MTSS1: variants seen among roughly 807,000 people sequenced by gnomAD.
The protein encoded by MTSS1 is MTSS I-BAR domain containing 1, also known as protein MTSS 1.
A neutral mutation model predicts 79.0 loss-of-function variants in MTSS1; 18 were observed. The observed-to-expected ratio is 0.23, with a 90% CI of 0.16 to 0.34. MTSS1 has a LOEUF of 0.34. MTSS1 is among the 10% of genes least tolerant of loss of function. The pLI is 1.00. For synonymous variants in MTSS1, 341 were observed against 368.6 expected, an observed-to-expected ratio of 0.93 and a Z score of 0.86; for missense variants, 815 against 986.2, an observed-to-expected ratio of 0.83 and a Z score of 2.33.
intron 10 of MTSS1, 122 bp from the exon 11 acceptor site, chr8:124,557,997 C>T (rs150620957): frequency 1.6e-3 from 1,199 of 768,074 alleles, no homozygotes; most frequent in Non-Finnish European, 2.0e-3. Context: ...ATAAATAAAA[C>T]AAACATTGGG....
rs1430085858 is a variant in MTSS1, at chr8:124,572,552, C to T, written c.461-4016G>A. Among the ~76,000 whole-genome samples, 4 of 152,150 alleles carry T rather than the reference C, an allele frequency of 2.6e-5. No individual in the cohort carries two copies. The East Asian group carries it at 5.8e-4, about 22-fold the overall frequency. Reference sequence around the variant, plus strand: ...GGAGAGTCACCACTGACTCCTTGAGCGCTGGTCCTGGCTATTCCAGCTCCC... The same window carrying T: ...GGAGAGTCACCACTGACTCCTTGAGTGCTGGTCCTGGCTATTCCAGCTCCC... On this transcript the variant is annotated intron_variant, in intron 6 of 13. Coordinates refer to ENST00000518547, the MANE Select transcript of MTSS1 (RefSeq NM_014751.6).
chr8:124,619,947 C>CTTTTA lies in MTSS1; in HGVS notation c.209-28713_209-28712insTAAAA, dbSNP rs540568467. ...AGCACAACTGTTTTTCTTTTCTTTT[C>CTTTTA]TTTTCTTTTCTTTTCTTTTTGAAGA... On this transcript the variant is annotated intron_variant, in intron 3 of 13. Transcript: ENST00000518547. 2.9e-4 allele frequency among the ~76,000 whole-genome samples: 44 copies of CTTTTA among 152,014 alleles called. No individual in the cohort carries two copies. In the South Asian group the frequency reaches 7.1e-3, roughly 24 times the overall value.
intron 1 of MTSS1, among the ~76,000 whole-genome samples, chr8:124,719,618 G>A (rs947673665): frequency 3.3e-5 from 5 of 152,196 alleles, no homozygotes; most frequent in African/African-American, 4.8e-5. Context: ...ACATGCCATC[G>A]TATTTGACGA....
rs561469344 is a variant in MTSS1, at chr8:124,569,254, C to T, written c.461-718G>A. ...ACAGACCCCAGTTAGGTGCAGGCAA[C>T]CACTTCTGGAGTTTAAGACAGGGTG... On this transcript the variant is annotated intron_variant, in intron 6 of 13. Transcript: ENST00000518547. 1.2e-4 allele frequency among the ~76,000 whole-genome samples: 19 copies of T among 152,346 alleles called. No homozygotes were observed. In the South Asian group the frequency reaches 3.9e-3, roughly 32 times the overall value.
chr8:124,598,386 C>T (rs191777503), intron 3 of MTSS1, among the ~76,000 whole-genome samples: 127 of 152,276 alleles, frequency 8.3e-4, no homozygotes, highest in African/African-American at 3.0e-3. Flanking sequence ...CCACTAGATG[C>T]CAGTAACATC....
At position 124,727,660 on chromosome 8, in the gene MTSS1, T is replaced by A. The variant is rs116700857; in HGVS notation, c.72+224A>T. 6 of 664,458 alleles carry A rather than the reference T, an allele frequency of 9.0e-6. No homozygotes were observed. Among genetic ancestry groups the A allele is most frequent in the Admixed American group, 2.1e-5 (1 of 48,678 alleles). 41.2% of individuals were successfully genotyped at this position (664,458 alleles called of 1,614,324 possible). ...GGGACAATGAGCGGGGGAGATGGCG[T>A]GGGACAGCAGACACCCCCCAGAGAA... On this transcript the variant is annotated intron_variant, in intron 1 of 13. Transcript: ENST00000518547. This position sits in a 1 kb window ranked among gnomAD's most constrained non-coding sequence, Gnocchi z 4.7.
chr8:124,579,991 C>T (rs976268019), intron 6 of MTSS1: 1 of 152,446 alleles, frequency 6.6e-6, no homozygotes, highest in Admixed American at 6.5e-5. Context: ...TCTGATACTT[C>T]TGAAATGAAA....
chr8:124,713,180 C>T (rs1831416306), intron 1 of MTSS1, among the ~76,000 whole-genome samples: 1 of 152,160 alleles, frequency 6.6e-6, no homozygotes, highest in Admixed American at 6.5e-5. Flanking sequence ...CTAGTGGATA[C>T]CGTACTGGAC....
chr8:124,574,444 A>T (rs935562420), intron 6 of MTSS1, among the ~76,000 whole-genome samples: 1 of 152,222 alleles, frequency 6.6e-6, no homozygotes, highest in Non-Finnish European at 1.5e-5. Flanking sequence ...CAGGGCCACA[A>T]TCATGAGCAC....
intron 7 of MTSS1, chr8:124,568,053 G>T: frequency 1.0e-6 from 1 of 1,000,630 alleles, no homozygotes; most frequent in South Asian, 2.6e-5. Context: ...GGACTTGGTG[G>T]GTCTGGGTTG....
chr8:124,599,729 G>A (rs1324636207), intron 3 of MTSS1, among the ~76,000 whole-genome samples: 1 of 151,920 alleles, frequency 6.6e-6, no homozygotes, highest in Non-Finnish European at 1.5e-5. Context: ...CGGTCTTGGG[G>A]CTCCTTGGCA....
intron 3 of MTSS1, among the ~76,000 whole-genome samples, chr8:124,620,895 G>A (rs1466701319): frequency 1.3e-5 from 2 of 152,236 alleles, no homozygotes; most frequent in Non-Finnish European, 2.9e-5. Context: ...TATCGTGAAT[G>A]GCTGGACAGG....
At chr8:124,554,867 A>G (rs929357472) in intron 13 of MTSS1, among the ~76,000 whole-genome samples, 1 of 152,232 alleles carries the variant, frequency 6.6e-6, no homozygotes, top group African/African-American at 2.4e-5. Context: ...CCTTTGAGAC[A>G]GGGTCTCATT....
At chr8:124,584,947 C>T (rs1214841089) in intron 6 of MTSS1, 140 bp downstream of exon 6, 4 of 688,140 alleles carry the variant, frequency 5.8e-6, no homozygotes, top group Non-Finnish European at 7.6e-6. Context: ...AATGTGAACT[C>T]AGATAGGTCC....
At position 124,582,983 on chromosome 8, in the gene MTSS1, C is replaced by A. The variant is rs1830297837; in HGVS notation, c.460+2104G>T. ...GAAATATACAAATAGAACACCTGGT[C>A]CAAAACTGCACTTACTGATTTTAGA... On this transcript the variant is annotated intron_variant, in intron 6 of 13. Coordinates refer to ENST00000518547, the MANE Select transcript of MTSS1 (RefSeq NM_014751.6). This position sits in a 1 kb window ranked among gnomAD's most constrained non-coding sequence, Gnocchi z 4.8. Among the ~76,000 whole-genome samples, 1 of 152,140 alleles carries A rather than the reference C, an allele frequency of 6.6e-6. No individual in the cohort carries two copies. Among genetic ancestry groups the A allele is most frequent in the Non-Finnish European group, 1.5e-5 (1 of 68,030 alleles).
In MTSS1 at chr8:124,719,568, G is replaced by A. The variant is rs373959353; in HGVS notation, c.72+8316C>T. Among the ~76,000 whole-genome samples the A allele has an allele frequency of 2.2e-4, 33 of 152,296 alleles. No individual in the cohort carries two copies. In the East Asian group the frequency reaches 2.9e-3, roughly 13 times the overall value. On this transcript the variant is annotated intron_variant, in intron 1 of 13. Transcript: ENST00000518547. ...GCAATGACTGTCTATACTGTCCACA[G>A]GTGTTCCTCCACCCCCCAGCAGCAC...
chr8:124,640,873 CCT>C (rs1442728418), intron 3 of MTSS1, among the ~76,000 whole-genome samples: 1 of 152,046 alleles, frequency 6.6e-6, no homozygotes, highest in African/African-American at 2.4e-5. Context: ...TACACCATCC[CCT>C]CTTTATTTAT....
chr8:124,675,377 G>C (rs1365762389), intron 3 of MTSS1, among the ~76,000 whole-genome samples: 1 of 152,180 alleles, frequency 6.6e-6, no homozygotes, highest in Non-Finnish European at 1.5e-5. Context: ...GGTGTGTTTG[G>C]TTCTCCCTCT....
At chr8:124,581,301 A>G (rs910592068) in intron 6 of MTSS1, among the ~76,000 whole-genome samples, 8 of 152,192 alleles carry the variant, frequency 5.3e-5, no homozygotes, top group Non-Finnish European at 1.0e-4. Context: ...AAAAAAAAAA[A>G]AAAAAATCAA....
Sources: gnomAD v4.1 joint callset for allele counts (sites outside exome capture counted in the v4.1 genomes callset) on GRCh38, gnomAD v4.1.1 for gene constraint, Gnocchi (gnomAD v3.1) non-coding constraint, MANE v1.5 for transcripts, NCBI Gene and HGNC (gene_info 2026-07-23, HGNC 2026-07-21) for gene names.